Variants in LILRB1 observed in about 807,000 individuals in gnomAD.
The protein encoded by LILRB1 is leukocyte immunoglobulin like receptor B1.
LILRB1 carries 59 observed loss-of-function variants against 74.6 expected under a neutral mutation model. The ratio of observed to expected loss-of-function variants is 0.79; its 90% CI spans 0.64 to 0.98. The LOEUF is 0.98. LILRB1 is among the 50% of genes least tolerant of loss of function. LILRB1 has a pLI of 0.00. For missense variants in LILRB1, 804 were observed against 822.6 expected, an observed-to-expected ratio of 0.98 and a Z score of 0.28; for synonymous variants, 328 against 333.9, an observed-to-expected ratio of 0.98 and a Z score of 0.19.
upstream of LILRB1, among the ~76,000 whole-genome samples, chr19:54,626,071 G>C (rs1208757623): frequency 1.3e-5 from 2 of 152,238 alleles, no homozygotes; most frequent in Non-Finnish European, 2.9e-5. Context: ...CCTCTTGGAA[G>C]ATCCACTTGA....
In LILRB1 at chr19:54,634,017, G is replaced by T; in HGVS notation, c.1359G>T (p.Gln453His). The T allele has an allele frequency of 6.3e-7, 1 of 1,596,670 alleles. No individual in the cohort carries two copies. Among genetic ancestry groups the T allele is most frequent in the Non-Finnish European group, 8.5e-7 (1 of 1,171,530 alleles). ...TCACCCCCACCGGGTCGGATCCCCA[G>T]AGTGGTGAGTGACGGGCTCTGAGTG... ...QPLTPTGSDP[Q>H]SGLGRHLGVV... The change falls in exon 9 of 15, where the codon CAG (glutamine) becomes CAT (histidine). Residue 453 changes from glutamine (Q) to histidine (H), a missense_variant. Coordinates refer to ENST00000324602, the MANE Select transcript of LILRB1 (RefSeq NM_001081637.3).
At chr19:54,635,066 A>G (rs753679125) in intron 10 of LILRB1, 38 bp from the exon 11 acceptor site, 5 of 1,370,092 alleles carry the variant, frequency 3.6e-6, no homozygotes, top group African/African-American at 1.5e-5. Flanking sequence ...GGGGGCTCCA[A>G]TGTTCCCAGG....
chr19:54,635,313 G>A lies in LILRB1; in HGVS notation c.1600+17G>A, dbSNP rs1335276803. On this transcript the variant is annotated intron_variant, in intron 12 of 14. Transcript: ENST00000324602. ...AAAACCTCTGTGAGTGAGAGGAAGA[G>A]GTGACCAGCCAGGAGGGAGATGGGG... The A allele has an allele frequency of 6.2e-7, 1 of 1,613,030 alleles. No homozygotes were observed. The highest frequency in any genetic ancestry group is 1.3e-5 in the African/African-American group (1 of 74,906).
At position 54,633,309 on chromosome 19, in the gene LILRB1, G is replaced by A. The variant is rs772220693; in HGVS notation, c.1252G>A (p.Val418Met). ...TCACCCCAGTGACCCCCTGGAGCTCGTGGTCTCAGGTGGGGGCCTTGACCC... is the reference window on the plus strand; with the variant it reads ...TCACCCCAGTGACCCCCTGGAGCTCATGGTCTCAGGTGGGGGCCTTGACCC... ...LTHPSDPLEL[V>M]VSGPSGGPSS... Residue 418 changes from valine (V) to methionine (M), a missense_variant, in exon 7 of 15, where the codon GTG becomes ATG. Transcript: ENST00000324602. The A allele has an allele frequency of 2.9e-5, 46 of 1,613,500 alleles. No individual in the cohort carries two copies. Among genetic ancestry groups the A allele is most frequent in the South Asian group, 7.7e-5 (7 of 91,056 alleles).
upstream of LILRB1, among the ~76,000 whole-genome samples, chr19:54,629,844 C>T (rs1352497039): frequency 3.9e-5 from 6 of 152,240 alleles, no homozygotes; most frequent in Admixed American, 1.3e-4. Context: ...GGAACTTCCA[C>T]ATCTCTTTTT....
At chr19:54,621,484 T>C (rs886125897) in intron 1 of LILRB1, among the ~76,000 whole-genome samples, 1 of 152,138 alleles carries the variant, frequency 6.6e-6, no homozygotes, top group Non-Finnish European at 1.5e-5. Context: ...TTTTGAGAAA[T>C]GTCTGTTGAT....
intron 13 of LILRB1, 189 bp from the exon 14 acceptor site, chr19:54,636,305 C>T (rs2064412959): frequency 8.3e-7 from 1 of 1,209,414 alleles, no homozygotes; most frequent in South Asian, 1.6e-5. Context: ...GCCAAATGGG[C>T]AACGTCAGAG....
rs2064565057 is a variant in LILRB1, at chr19:54,637,951, GTGTGTGTGTGTGTATATATA to G, written c.*1087_*1106del. Among the ~76,000 whole-genome samples the G allele has an allele frequency of 1.4e-5, 2 of 146,730 alleles. No homozygotes were observed. Among genetic ancestry groups the G allele is most frequent in the Non-Finnish European group, 2.9e-5 (2 of 67,844 alleles). On this transcript the variant is annotated 3_prime_UTR_variant, in exon 15 of 15. Coordinates refer to ENST00000324602, the MANE Select transcript of LILRB1 (RefSeq NM_001081637.3). ...TCAGAGAATCTGACTCATTTTAGATGTGTGTGTGTGTGTATATATATGTGTGTGTGTGTGAAAAACATTGA... is the reference window on the plus strand; with the variant it reads ...TCAGAGAATCTGACTCATTTTAGATGTGTGTGTGTGTGTGAAAAACATTGA...
At chr19:54,629,829 A>G (rs1281979913), upstream of LILRB1, among the ~76,000 whole-genome samples, 1 of 152,248 alleles carries the variant, frequency 6.6e-6, no homozygotes, top group Non-Finnish European at 1.5e-5. Flanking sequence ...ATCCATCTAC[A>G]CTTGGGAACT....
intron 1 of LILRB1, among the ~76,000 whole-genome samples, chr19:54,624,756 G>A (rs1452009788): frequency 4.6e-5 from 7 of 152,138 alleles, no homozygotes; most frequent in African/African-American, 1.7e-4. Context: ...TGGCTGTGAT[G>A]GGGAGGGATG....
In LILRB1 at chr19:54,635,193, A is replaced by G. The variant is rs769277510; in HGVS notation, c.1562+14A>G. On this transcript the variant is annotated intron_variant, in intron 11 of 14. Transcript: ENST00000324602. ...CCTGCAGTGGAGGTAATTCTGCCCG[A>G]AGACCCCAGACTCCCACCTGCTCGT... The G allele has an allele frequency of 4.4e-6, 7 of 1,600,256 alleles. No individual in the cohort carries two copies. The highest frequency in any genetic ancestry group is 6.0e-6 in the Non-Finnish European group (7 of 1,169,656).
intron 9 of LILRB1, 179 bp downstream of exon 9, chr19:54,634,200 C>T: frequency 6.7e-7 from 1 of 1,500,182 alleles, no homozygotes; most frequent in Non-Finnish European, 8.9e-7. Flanking sequence ...CCTTTCAGCT[C>T]TGACTCCCAG....
At position 54,635,577 on chromosome 19, in the gene LILRB1, C is replaced by G. The variant is rs754156754; in HGVS notation, c.1621C>G (p.Gln541Glu). The stretch of plus-strand genomic sequence containing the variant: ...AGCAGATGCTGCCGTGAAGCACACA[C>G]AGCCTGAGGATGGGGTGGAGATGGA... ...ENLYAAVKHT[Q>E]PEDGVEMDTR... The change falls in exon 13 of 15, where the codon CAG (glutamine) becomes GAG (glutamate). Residue 541 changes from glutamine to glutamate, a missense_variant. Physicochemically the swap from Gln to Glu is conservative, Grantham distance 29. Transcript: ENST00000324602. 1 of 1,613,706 alleles carries G rather than the reference C, an allele frequency of 6.2e-7. No homozygotes were observed. Among genetic ancestry groups the G allele is most frequent in the African/African-American group, 1.3e-5 (1 of 74,938 alleles).
intron 12 of LILRB1, 82 bp downstream of exon 12, chr19:54,635,378 C>T: frequency 6.3e-7 from 1 of 1,576,578 alleles, no homozygotes; most frequent in East Asian, 2.2e-5. Flanking sequence ...GGGGCGCTGG[C>T]TGGAAAGGGT....
chr19:54,626,277 G>A (rs575153134), upstream of LILRB1, among the ~76,000 whole-genome samples: 10 of 152,142 alleles, frequency 6.6e-5, no homozygotes, highest in South Asian at 2.1e-3. Flanking sequence ...AAATTACTTT[G>A]TATCTATTCT....
At chr19:54,632,869 G>A in intron 6 of LILRB1, 109 bp downstream of exon 6, 2 of 1,519,248 alleles carry the variant, frequency 1.3e-6, no homozygotes, top group Non-Finnish European at 8.9e-7. Flanking sequence ...AAGGGAGGGA[G>A]AGACAGACAG....
Position 54,636,878 on chromosome 19 carries a change from G to A in LILRB1, c.1959G>A (p.Ter653=), listed in dbSNP as rs757063636. ...TCTACGCCACTCTGGCCATCCACTA[G>A]CCCAGGGGGGGACGCAGACCCCACA... ...PSIYATLAIH[*] The change falls in exon 15 of 15, where the codon TAG becomes TAA. Residue 653 remains the stop codon, a stop_retained_variant. Coordinates refer to ENST00000324602, the MANE Select transcript of LILRB1 (RefSeq NM_001081637.3). 11 of 1,613,016 alleles carry A rather than the reference G, an allele frequency of 6.8e-6. No individual in the cohort carries two copies. Among genetic ancestry groups the A allele is most frequent in the Non-Finnish European group, 8.5e-6 (10 of 1,179,314 alleles).
At chr19:54,635,332 G>A in intron 12 of LILRB1, 36 bp downstream of exon 12, 1 of 1,611,612 alleles carries the variant, frequency 6.2e-7, no homozygotes. Context: ...CCAGGAGGGA[G>A]ATGGGGGCCC....
At chr19:54,635,320 A>C (rs2064300826) in intron 12 of LILRB1, 24 bp downstream of exon 12, 1 of 1,612,724 alleles carries the variant, frequency 6.2e-7, no homozygotes, top group Middle Eastern at 1.7e-4. Flanking sequence ...AGAGGTGACC[A>C]GCCAGGAGGG....
Sources: gnomAD v4.1 joint callset for allele counts (sites outside exome capture counted in the v4.1 genomes callset) on GRCh38, gnomAD v4.1.1 for gene constraint, MANE v1.5 for transcripts, NCBI Gene and HGNC (gene_info 2026-07-23, HGNC 2026-07-21) for gene names.